The following LGMN variants were observed in gnomAD, a reference collection of about 807,000 sequenced individuals.
LGMN encodes the protein asparaginyl endopeptidase.
In LGMN, 36 loss-of-function variants were observed where a neutral mutation model predicts 56.8. The observed-to-expected ratio is 0.63, with a 90% CI of 0.49 to 0.84. LGMN has a LOEUF of 0.84. LGMN is among the 40% of genes least tolerant of loss of function. The probability of loss-of-function intolerance (pLI) is 0.00; values close to 1 mark genes in which losing one functional copy is unlikely to be tolerated. For missense variants in LGMN, 446 were observed against 556.1 expected (o/e 0.80, Z 1.99); for synonymous variants, 199 against 210.1 (o/e 0.95, Z 0.46).
intron 12 of LGMN, 48 bp downstream of exon 12, chr14:92,706,435 T>A (rs1339724164): frequency 6.3e-6 from 9 of 1,418,878 alleles, no homozygotes; most frequent in Non-Finnish European, 7.5e-6. Flanking sequence ...GGGGACAATA[T>A]GAATTCAGCT....
At chr14:92,725,153 G>C (rs115519226) in intron 2 of LGMN, among the ~76,000 whole-genome samples, 9 of 152,186 alleles carry the variant, frequency 5.9e-5, no homozygotes, top group African/African-American at 2.2e-4. Context: ...TTACAAGGAC[G>C]GCCCTGCTGC....
chr14:92,736,323 C>T (rs932703447), intron 1 of LGMN, among the ~76,000 whole-genome samples: 4 of 152,102 alleles, frequency 2.6e-5, no homozygotes, highest in Admixed American at 6.6e-5. Context: ...TGGCCAGGTG[C>T]GGTGGCTCAC....
chr14:92,711,619 A>G (rs1889773663), intron 10 of LGMN, 40 bp downstream of exon 10: 1 of 1,534,448 alleles, frequency 6.5e-7, no homozygotes, highest in Non-Finnish European at 9.0e-7. Flanking sequence ...CACCTAGGAC[A>G]CAAGGAACAG....
chr14:92,743,621 C>G (rs146899329), intron 1 of LGMN, among the ~76,000 whole-genome samples: 1,562 of 150,860 alleles, frequency 0.01, 34 homozygotes, highest in African/African-American at 0.035. Context: ...GGCCAACATG[C>G]GAAACCCCAT....
At chr14:92,704,906 G>A (rs1595521806) in intron 12 of LGMN, 199 bp from the exon 13 acceptor site, 1 of 538,442 alleles carries the variant, frequency 1.9e-6, no homozygotes, top group Non-Finnish European at 3.5e-6. Context: ...GCCAGGGTTT[G>A]CATGCAAGTT....
At chr14:92,730,305 C>T (rs1595555253) in intron 2 of LGMN, among the ~76,000 whole-genome samples, 1 of 152,080 alleles carries the variant, frequency 6.6e-6, no homozygotes, top group South Asian at 2.1e-4. Context: ...ATTTCCTATT[C>T]GGCTAACATA....
chr14:92,721,516 T>C (rs1392680805), intron 2 of LGMN, among the ~76,000 whole-genome samples: 1 of 152,232 alleles, frequency 6.6e-6, no homozygotes, highest in African/African-American at 2.4e-5. Flanking sequence ...GCAATCTGTT[T>C]AAGCAGTGAT....
At chr14:92,706,719 G>A (rs1330130545) in intron 11 of LGMN, 66 bp from the exon 12 acceptor site, 40 of 1,393,962 alleles carry the variant, frequency 2.9e-5, no homozygotes, top group Non-Finnish European at 3.6e-5. Flanking sequence ...ACCCAGGTGC[G>A]GTGAGAAGTG....
In LGMN at chr14:92,714,406, A is replaced by T. The variant is rs1199554009; in HGVS notation, c.450T>A (p.Ser150=). Residue 150 remains serine (S), a synonymous_variant, in exon 6 of 14, where the codon TCT becomes TCA. Coordinates refer to ENST00000334869, the MANE Select transcript of LGMN (RefSeq NM_005606.7). This position sits in a 1 kb window ranked among gnomAD's most constrained non-coding sequence, Gnocchi z 5.1. Reference sequence around the variant, plus strand: ...CATTGGGAAAAACCAGTATTCCAGTAGATCCATGGTCAGTGAAGTAAATGA... The same window carrying T: ...CATTGGGAAAAACCAGTATTCCAGTTGATCCATGGTCAGTGAAGTAAATGA... ...HVFIYFTDHG[S]TGILVFPNED... 2 of 1,611,994 alleles carry T rather than the reference A, an allele frequency of 1.2e-6. No individual in the cohort carries two copies. The highest frequency in any genetic ancestry group is 2.7e-5 in the African/African-American group (2 of 74,902).
chr14:92,707,988 C>T (rs61994067), intron 11 of LGMN, among the ~76,000 whole-genome samples: 14,185 of 152,032 alleles, frequency 0.093, 878 homozygotes, highest in East Asian at 0.24. Flanking sequence ...CCCGTCTCTA[C>T]TAAAAATACA....
chr14:92,745,829 C>CT (rs11463191), intron 1 of LGMN, among the ~76,000 whole-genome samples: 17,642 of 147,594 alleles, frequency 0.12, 1,405 homozygotes, highest in South Asian at 0.25. Context: ...ATCTCATTTT[C>CT]TTTTTTTTTT....
chr14:92,708,139 A>G (rs552094579), intron 11 of LGMN, among the ~76,000 whole-genome samples: 44 of 138,084 alleles, frequency 3.2e-4, no homozygotes, highest in Non-Finnish European at 5.8e-4. Flanking sequence ...CAGCAAGAGC[A>G]GAACTCCATC....
chr14:92,711,624 G>A (rs1361514573), intron 10 of LGMN, 35 bp downstream of exon 10: 3 of 1,564,456 alleles, frequency 1.9e-6, no homozygotes, highest in East Asian at 2.2e-5. Context: ...AGGACACAAG[G>A]AACAGAGGGC....
intron 1 of LGMN, among the ~76,000 whole-genome samples, chr14:92,743,783 C>T (rs889987195): frequency 3.6e-5 from 5 of 140,832 alleles, no homozygotes; most frequent in African/African-American, 1.3e-4. Context: ...AGCTGGGCAG[C>T]AGAGGGAGAC....
chr14:92,704,494 C>T, intron 13 of LGMN, 133 bp from the exon 14 acceptor site: 1 of 1,045,360 alleles, frequency 9.6e-7, no homozygotes, highest in Non-Finnish European at 1.5e-6. Flanking sequence ...AACGTGGCTT[C>T]TGGACCCTGC....
rs762402467 is a variant in LGMN at position 92,732,827 on chromosome 14, AAC to A, written c.-29-14_-29-13del. The A allele has an allele frequency of 1.2e-6, 2 of 1,604,318 alleles. No individual in the cohort carries two copies. Among genetic ancestry groups the A allele is most frequent in the Admixed American group, 1.7e-5 (1 of 58,074 alleles). ...TCAATTGCAGACACCTGAGAAGGGA[AAC>A]ACAGAGTCAAGTACAAAGCAACAAG... is the stretch of plus-strand genomic sequence containing the variant. On this transcript the variant is annotated splice_polypyrimidine_tract_variant and intron_variant, in intron 1 of 13. Transcript: ENST00000334869.
chr14:92,709,610 T>C (rs1366673861), intron 11 of LGMN, 62 bp downstream of exon 11: 5 of 1,393,570 alleles, frequency 3.6e-6, no homozygotes, highest in Admixed American at 3.4e-5. Flanking sequence ...GCCGTGCTCA[T>C]GCATGCTGCC....
chr14:92,736,790 C>T (rs1891328571), intron 1 of LGMN, among the ~76,000 whole-genome samples: 1 of 152,112 alleles, frequency 6.6e-6, no homozygotes, highest in South Asian at 2.1e-4. Flanking sequence ...AAATTTTACC[C>T]AGCCCTTGTT....
intron 11 of LGMN, among the ~76,000 whole-genome samples, 167 bp from the exon 12 acceptor site, chr14:92,706,820 T>A (rs374189884): frequency 9.2e-5 from 14 of 152,188 alleles, no homozygotes; most frequent in East Asian, 5.8e-4. Context: ...GAGAGATGTC[T>A]GTGCCCACTT....
Sources: allele counts gnomAD v4.1 joint callset (sites outside exome capture counted in the v4.1 genomes callset), GRCh38; gene constraint gnomAD v4.1.1; non-coding constraint Gnocchi (gnomAD v3.1); transcripts MANE v1.5; gene names NCBI Gene and HGNC (gene_info 2026-07-23, HGNC 2026-07-21).